GOSR1: variants seen among roughly 807,000 people sequenced by gnomAD.
GOSR1 encodes the protein 28 kDa Golgi SNARE protein.
In GOSR1, 21 loss-of-function variants were observed where a neutral mutation model predicts 35.5. The ratio of observed to expected loss-of-function variants is 0.59; its 90% CI spans 0.42 to 0.85. GOSR1 has a LOEUF of 0.85. GOSR1 is among the 40% of genes least tolerant of loss of function. The probability of loss-of-function intolerance (pLI) is 0.00; values close to 1 mark genes in which losing one functional copy is unlikely to be tolerated. For synonymous variants in GOSR1, 94 were observed against 106.6 expected, an observed-to-expected ratio of 0.88 and a Z score of 0.73; for missense variants, 285 against 309.6, an observed-to-expected ratio of 0.92 and a Z score of 0.60.
chr17:30,482,601 G>T (rs1371995320), intron 2 of GOSR1, among the ~76,000 whole-genome samples: 1 of 152,148 alleles, frequency 6.6e-6, no homozygotes, highest in African/African-American at 2.4e-5. Flanking sequence ...TTTGAATCTA[G>T]ATCTATCTCC....
chr17:30,521,416 C>T (rs1036077319), intron 8 of GOSR1, among the ~76,000 whole-genome samples: 1 of 151,808 alleles, frequency 6.6e-6, no homozygotes, highest in African/African-American at 2.4e-5. Context: ...CTCCTAGGCT[C>T]AAGCAGTCCT....
At chr17:30,520,101 G>A (rs1967970757) in intron 8 of GOSR1, 80 bp downstream of exon 8, 2 of 871,848 alleles carry the variant, frequency 2.3e-6, no homozygotes, top group South Asian at 2.8e-5. Flanking sequence ...TAGGGGGCAG[G>A]TTGCCATCAT....
chr17:30,482,220 A>G (rs931761998), intron 2 of GOSR1, among the ~76,000 whole-genome samples: 3 of 151,898 alleles, frequency 2.0e-5, no homozygotes, highest in Non-Finnish European at 1.5e-5. Context: ...TAGTTATTCT[A>G]CAACTTTTTC....
chr17:30,484,829 T>A (rs749342560), intron 4 of GOSR1, 59 bp downstream of exon 4: 3 of 864,348 alleles, frequency 3.5e-6, no homozygotes, highest in East Asian at 2.5e-5. Flanking sequence ...TTTTTTTTTT[T>A]AATCCCTGCA....
At chr17:30,515,216 C>T (rs947264889) in intron 7 of GOSR1, among the ~76,000 whole-genome samples, 1 of 152,120 alleles carries the variant, frequency 6.6e-6, no homozygotes, top group African/African-American at 2.4e-5. Context: ...CAGCCTTGAC[C>T]TTCTGGGCTC....
chr17:30,519,472 A>C (rs1967945764), intron 7 of GOSR1, among the ~76,000 whole-genome samples: 1 of 152,202 alleles, frequency 6.6e-6, no homozygotes, highest in Non-Finnish European at 1.5e-5. Context: ...TAATCTCTTC[A>C]TAAATTAAGG....
Position 30,521,014 on chromosome 17 carries a change from CT to C in GOSR1, c.622+997del. ...ATTTAAGAGTTTGTATTTAGTGAAA[CT>C]TTTGAAACTTTGAAATAGAAGTGTG... is the stretch of plus-strand genomic sequence containing the variant. On this transcript the variant is annotated intron_variant, in intron 8 of 8. Transcript: ENST00000451249. Among the ~76,000 whole-genome samples, 3 of 152,158 alleles carry C rather than the reference CT, an allele frequency of 2.0e-5. 1 individual carries two copies. The Middle Eastern group carries it at 0.01, about 518-fold the overall frequency.
intron 7 of GOSR1, among the ~76,000 whole-genome samples, chr17:30,515,294 A>ATT (rs35911853): frequency 3.7e-4 from 52 of 139,550 alleles, no homozygotes; most frequent in Middle Eastern, 3.7e-3. Context: ...TGCCCAGCTA[A>ATT]TTTTTTTTTT....
At chr17:30,516,469 C>CAAAAAAAAAAAAAA (rs370736848) in intron 7 of GOSR1, among the ~76,000 whole-genome samples, 4 of 111,192 alleles carry the variant, frequency 3.6e-5, no homozygotes, top group South Asian at 2.7e-4. Context: ...GACTCCGTCT[C>CAAAAAAAAAAAAAA]AAACAAAAAA....
intron 6 of GOSR1, among the ~76,000 whole-genome samples, chr17:30,494,680 T>C (rs2143721869): frequency 1.3e-5 from 2 of 151,904 alleles, no homozygotes; most frequent in South Asian, 4.1e-4. Context: ...TGATCTCAGC[T>C]CACTGTGCCC....
At position 30,522,830 on chromosome 17, in the gene GOSR1, G is replaced by A. The variant is rs541439478; in HGVS notation, c.*452G>A. 4.5e-4 allele frequency: 69 copies of A among 153,156 alleles called. No individual in the cohort carries two copies. The highest frequency in any genetic ancestry group is 3.3e-3 in the Middle Eastern group (1 of 300). The allele number at this position is 153,156 out of a possible 1,614,324, so 9.5% of individuals were successfully genotyped here. On this transcript the variant is annotated 3_prime_UTR_variant, in exon 9 of 9. Transcript: ENST00000451249. Reference sequence around the variant, plus strand: ...TCCCTCTCCCTCTCCCTCTCCCCACGGTCTCCCTCTTTCCACGGTCTCCCT... The same window carrying A: ...TCCCTCTCCCTCTCCCTCTCCCCACAGTCTCCCTCTTTCCACGGTCTCCCT...
intron 7 of GOSR1, among the ~76,000 whole-genome samples, chr17:30,511,404 A>T (rs1349475173): frequency 1.3e-5 from 2 of 152,246 alleles, no homozygotes; most frequent in Non-Finnish European, 2.9e-5. Flanking sequence ...GATGAATTTT[A>T]AAGTATCTAT....
chr17:30,484,545 GT>G (rs1914555322), intron 3 of GOSR1, 117 bp from the exon 4 acceptor site: 1 of 615,224 alleles, frequency 1.6e-6, no homozygotes, highest in African/African-American at 1.9e-5. Context: ...TTTTTGTTTT[GT>G]TTTGTTTTGT....
chr17:30,498,738 T>C (rs7216394), intron 6 of GOSR1, among the ~76,000 whole-genome samples: 133,944 of 152,174 alleles, frequency 0.88, 59,170 homozygotes, highest in African/African-American at 0.96. Context: ...AGGTTATAGG[T>C]CTCACTCTGG....
Position 30,484,786 on chromosome 17 carries a change from C to T in GOSR1, c.342+16C>T, listed in dbSNP as rs1352781532. 5 of 1,317,790 alleles carry T rather than the reference C, an allele frequency of 3.8e-6. No homozygotes were observed. The highest frequency in any genetic ancestry group is 1.7e-5 in the Admixed American group (1 of 59,436). 81.6% of individuals were successfully genotyped at this position (1,317,790 alleles called of 1,614,324 possible). A position where few individuals can be genotyped will look rare whatever the true frequency, so the allele number is the denominator to read the frequency against. On this transcript the variant is annotated intron_variant, in intron 4 of 8. Coordinates refer to ENST00000451249, the MANE Select transcript of GOSR1 (RefSeq NM_001007025.2). ...CATATTGCAGGTAATATATTGGGCT[C>T]GAGATGTTTTCATTATCACAGGAGT...
At chr17:30,501,686 G>A (rs1183386799) in intron 6 of GOSR1, among the ~76,000 whole-genome samples, 1 of 152,026 alleles carries the variant, frequency 6.6e-6, no homozygotes, top group African/African-American at 2.4e-5. Flanking sequence ...AGTAGAGATG[G>A]GGTTTCACCA....
At chr17:30,497,825 G>A (rs1000061385) in intron 6 of GOSR1, among the ~76,000 whole-genome samples, 26 of 152,106 alleles carry the variant, frequency 1.7e-4, no homozygotes, top group Non-Finnish European at 2.8e-4. Flanking sequence ...TTAGGAGGCC[G>A]AGGCAGGAGG....
intron 6 of GOSR1, among the ~76,000 whole-genome samples, chr17:30,507,249 G>A (rs891145162): frequency 4.6e-5 from 7 of 152,158 alleles, no homozygotes; most frequent in African/African-American, 1.2e-4. Flanking sequence ...CTGGAAAGGA[G>A]TCCCCATTCT....
chr17:30,500,860 T>C (rs1404618320), intron 6 of GOSR1, among the ~76,000 whole-genome samples: 2 of 151,970 alleles, frequency 1.3e-5, no homozygotes, highest in Non-Finnish European at 2.9e-5. Context: ...CAAGGTCTTA[T>C]ATGAAAATAT....
Sources: allele counts gnomAD v4.1 joint callset (sites outside exome capture counted in the v4.1 genomes callset), GRCh38; gene constraint gnomAD v4.1.1; transcripts MANE v1.5; gene names NCBI Gene and HGNC (gene_info 2026-07-23, HGNC 2026-07-21).